The following KCNMA1 variants were observed in gnomAD, a reference collection of about 807,000 sequenced individuals.
The protein encoded by KCNMA1 is potassium calcium-activated channel subfamily M alpha 1, also known as Calcium-activated potassium channel subunit alpha-1.
A neutral mutation model predicts 140.0 loss-of-function variants in KCNMA1; 29 were observed. The ratio of observed to expected loss-of-function variants is 0.21; its 90% CI spans 0.15 to 0.28. The LOEUF is 0.28. KCNMA1 is among the 10% of genes least tolerant of loss of function. The pLI is 1.00. For missense variants in KCNMA1, 880 were observed against 1,602.2 expected, an observed-to-expected ratio of 0.55 and a Z score of 7.70; for synonymous variants, 612 against 611.9, an observed-to-expected ratio of 1.00 and a Z score of 0.00.
intron 5 of KCNMA1, among the ~76,000 whole-genome samples, chr10:77,158,407 G>T: frequency 6.6e-6 from 1 of 152,172 alleles, no homozygotes; most frequent in Non-Finnish European, 1.5e-5. Flanking sequence ...AGGTCAAGCA[G>T]ACTGGTGCAG....
At chr10:77,484,484 T>C (rs899286778) in intron 1 of KCNMA1, among the ~76,000 whole-genome samples, 1 of 152,246 alleles carries the variant, frequency 6.6e-6, no homozygotes, top group African/African-American at 2.4e-5. Flanking sequence ...TTTACATCAG[T>C]TGTCTCCTAT....
At chr10:77,581,903 G>A (rs1452773416) in intron 1 of KCNMA1, among the ~76,000 whole-genome samples, 3 of 152,262 alleles carry the variant, frequency 2.0e-5, no homozygotes, top group Non-Finnish European at 4.4e-5. Context: ...AGGAAGGGTA[G>A]GAGACAGCTG....
intron 5 of KCNMA1, among the ~76,000 whole-genome samples, chr10:77,178,959 T>A (rs1446152345): frequency 6.6e-6 from 1 of 152,234 alleles, no homozygotes; most frequent in Non-Finnish European, 1.5e-5. Context: ...AGCAGCGTCT[T>A]GCTGCTTGCC....
chr10:77,285,395 G>A (rs1222344227), intron 2 of KCNMA1, among the ~76,000 whole-genome samples: 2 of 151,960 alleles, frequency 1.3e-5, no homozygotes, highest in African/African-American at 4.8e-5. Context: ...CAAACTTTGA[G>A]AGAAAGAATA....
At chr10:77,191,581 T>C (rs963352350) in intron 3 of KCNMA1, among the ~76,000 whole-genome samples, 7 of 152,190 alleles carry the variant, frequency 4.6e-5, no homozygotes, top group Non-Finnish European at 2.9e-5. Flanking sequence ...TTTTTAGTTT[T>C]ACCAAACAGA....
At chr10:77,262,728 C>T (rs2062364314) in intron 2 of KCNMA1, among the ~76,000 whole-genome samples, 3 of 151,960 alleles carry the variant, frequency 2.0e-5, no homozygotes, top group Admixed American at 6.6e-5. Context: ...TGTGATACAC[C>T]AGCTCTCCCT....
rs1458348063 is a variant in KCNMA1 at position 76,914,955 on chromosome 10, G to T, written c.2997C>A (p.Ile999=). 6 of 1,612,464 alleles carry T rather than the reference G, an allele frequency of 3.7e-6. No homozygotes were observed. The South Asian group carries it at 5.5e-5, about 15-fold the overall frequency. The change falls in exon 24 of 28, where the codon ATC becomes ATA. Residue 999 remains isoleucine, a synonymous_variant. Transcript: ENST00000286628. Reference sequence around the variant, plus strand: ...CCCTACCTAGTTCAGTGATGATGGGGATGTTGACCCCAGTTGTGATGGATG... The same window carrying T: ...CCCTACCTAGTTCAGTGATGATGGGTATGTTGACCCCAGTTGTGATGGATG... ...RQPSITTGVN[I]PIITELVNDT...
rs550130829 is a variant in KCNMA1 at position 77,156,251 on chromosome 10, A to T, written c.808+27170T>A. On this transcript the variant is annotated intron_variant, in intron 5 of 27. Transcript: ENST00000286628. ...TTAAAAAAAAAAAAAAAAAAAAAAA[A>T]AAAAGTTAAATGAAAACATGACTCT... Among the ~76,000 whole-genome samples, 50 of 135,288 alleles carry T rather than the reference A, an allele frequency of 3.7e-4. No individual in the cohort carries two copies. The South Asian group carries it at 0.012, about 32-fold the overall frequency. The allele number at this position is 135,288 out of a possible 152,430, so 88.8% of individuals were successfully genotyped here.
At chr10:77,097,013 A>G (rs917982654) in intron 9 of KCNMA1, among the ~76,000 whole-genome samples, 7 of 152,286 alleles carry the variant, frequency 4.6e-5, no homozygotes, top group Admixed American at 4.6e-4. Context: ...AACGACCTAA[A>G]CCACACAGTG....
intron 3 of KCNMA1, among the ~76,000 whole-genome samples, chr10:77,197,216 A>T (rs2040793912): frequency 6.6e-6 from 1 of 152,234 alleles, no homozygotes; most frequent in Admixed American, 6.5e-5. Flanking sequence ...TTCCTGAGGC[A>T]TTTAGCCCAA....
chr10:77,192,228 C>A (rs898500528), intron 3 of KCNMA1, among the ~76,000 whole-genome samples: 3 of 152,120 alleles, frequency 2.0e-5, no homozygotes, highest in Non-Finnish European at 2.9e-5. Flanking sequence ...TATGTCAATT[C>A]TTTATAAATT....
rs1565084288 is a variant in KCNMA1 at position 77,186,776 on chromosome 10, A to AGTGT, written c.603-1861_603-1860insACAC. Among the ~76,000 whole-genome samples the AGTGT allele has an allele frequency of 1.7e-3, 151 of 90,062 alleles. 2 individuals are homozygous for AGTGT. The highest frequency in any genetic ancestry group is 6.7e-3 in the African/African-American group (143 of 21,266). 59.1% of individuals were successfully genotyped at this position (90,062 alleles called of 152,430 possible). Reference sequence around the variant, plus strand: ...CTGCAGGATACGTTACTAAAGAGTAAATGTGTGTGTGTGTGTGTGTGTGTG... The same window carrying AGTGT: ...CTGCAGGATACGTTACTAAAGAGTAAGTGTATGTGTGTGTGTGTGTGTGTGTGTG... On this transcript the variant is annotated intron_variant, in intron 3 of 27. Coordinates refer to ENST00000286628, the MANE Select transcript of KCNMA1 (RefSeq NM_001161352.2).
chr10:77,625,878 C>T (rs2092434835), intron 1 of KCNMA1, among the ~76,000 whole-genome samples: 2 of 152,140 alleles, frequency 1.3e-5, no homozygotes, highest in Non-Finnish European at 2.9e-5. Context: ...AGTGGAATTG[C>T]TGGATTATAT....
chr10:77,342,790 G>A (rs780441959), intron 2 of KCNMA1, among the ~76,000 whole-genome samples: 2 of 152,190 alleles, frequency 1.3e-5, no homozygotes, highest in African/African-American at 2.4e-5. Context: ...GGCCCATCAC[G>A]GGGTGGCACA....
chr10:77,405,924 C>G (rs553400015), intron 1 of KCNMA1, among the ~76,000 whole-genome samples: 1 of 152,282 alleles, frequency 6.6e-6, no homozygotes, highest in African/African-American at 2.4e-5. Context: ...AAGCTGGTCC[C>G]GATTCCTGCT....
At chr10:77,329,739 A>G (rs983078077) in intron 2 of KCNMA1, among the ~76,000 whole-genome samples, 7 of 152,210 alleles carry the variant, frequency 4.6e-5, no homozygotes, top group African/African-American at 1.7e-4. Context: ...AATATTTAGT[A>G]GGAGCAAGGC....
At chr10:77,296,918 G>GGGGGGGGGGGA (rs34224383) in intron 2 of KCNMA1, among the ~76,000 whole-genome samples, 6 of 144,606 alleles carry the variant, frequency 4.1e-5, no homozygotes, top group Non-Finnish European at 7.7e-5. Context: ...TGGGCGGGGG[G>GGGGGGGGGGGA]GCGGTGGGGG....
chr10:76,946,332 C>A, intron 22 of KCNMA1, among the ~76,000 whole-genome samples: 1 of 152,154 alleles, frequency 6.6e-6, no homozygotes, highest in Non-Finnish European at 1.5e-5. Context: ...TTCCTCTTTG[C>A]CTGTGTGGTG....
intron 23 of KCNMA1, among the ~76,000 whole-genome samples, chr10:76,923,723 C>T (rs1391107621): frequency 1.3e-5 from 2 of 152,176 alleles, no homozygotes; most frequent in African/African-American, 2.4e-5. Context: ...GTGGCTCATG[C>T]CTGTAATCCC....
Sources: allele counts gnomAD v4.1 joint callset (sites outside exome capture counted in the v4.1 genomes callset), GRCh38; gene constraint gnomAD v4.1.1; transcripts MANE v1.5; gene names NCBI Gene and HGNC (gene_info 2026-07-23, HGNC 2026-07-21).